Variants in HNRNPL observed in about 807,000 individuals in gnomAD.
HNRNPL encodes epididymis secretory sperm binding protein.
HNRNPL carries 12 observed loss-of-function variants against 64.0 expected under a neutral mutation model. That is an observed-to-expected ratio of 0.19 (90% CI 0.12 to 0.30). The LOEUF (loss-of-function observed/expected upper bound fraction) is 0.30. Ranked by LOEUF, HNRNPL falls within the 10% of genes least tolerant of loss-of-function variation. The pLI, the probability that HNRNPL is intolerant of heterozygous loss-of-function variation, is 1.00. For synonymous variants in HNRNPL, 385 were observed against 313.0 expected (o/e 1.23, Z -2.43); for missense variants, 484 against 797.4 (o/e 0.61, Z 4.73).
chr19:38,836,696 A>G lies in HNRNPL; in HGVS notation c.*26T>C. 6.5e-7 allele frequency: 1 copy of G among 1,537,360 alleles called. No homozygotes were observed. ...AGGAAAGAGAAATGTCTTCCTGCTC[A>G]GATGGGACTCTTCCTAGGCACCTAA... On this transcript the variant is annotated 3_prime_UTR_variant, in exon 13 of 13. Transcript: ENST00000221419.
upstream of HNRNPL, among the ~76,000 whole-genome samples, chr19:38,852,121 C>T (rs1033501904): frequency 6.8e-6 from 1 of 147,304 alleles, no homozygotes; most frequent in South Asian, 2.2e-4. Flanking sequence ...GCGGAACGGT[C>T]TCCCCGGCGC....
At chr19:38,836,843 C>T (rs1184657983) in intron 12 of HNRNPL, 63 bp from the exon 13 acceptor site, 1 of 1,293,822 alleles carries the variant, frequency 7.7e-7, no homozygotes, top group African/African-American at 1.5e-5. Flanking sequence ...CCCAGGTCCC[C>T]TCAAGTTTGT....
At chr19:38,844,596 A>G (rs1367176985) in intron 4 of HNRNPL, 2 of 166,060 alleles carry the variant, frequency 1.2e-5, no homozygotes, top group African/African-American at 4.8e-5. Context: ...TCTCCATCCA[A>G]CACAAGCTCC....
At chr19:38,849,396 A>T in intron 1 of HNRNPL, 2 of 321,870 alleles carry the variant, frequency 6.2e-6, no homozygotes, top group East Asian at 4.8e-5. Context: ...GGGGAAAAAA[A>T]CCGGCCGGGC....
intron 12 of HNRNPL, 98 bp downstream of exon 12, chr19:38,837,286 G>A (rs776223442): frequency 3.1e-5 from 28 of 906,712 alleles, no homozygotes; most frequent in Non-Finnish European, 4.2e-5. Context: ...CGAAGATCCC[G>A]GGGTCCTATC....
chr19:38,844,397 T>A (rs1033720624), intron 4 of HNRNPL, among the ~76,000 whole-genome samples: 1 of 152,156 alleles, frequency 6.6e-6, no homozygotes, highest in African/African-American at 2.4e-5. Context: ...CTCAGCCCTC[T>A]CACACCCTTC....
At position 38,845,856 on chromosome 19, in the gene HNRNPL, G is replaced by A; in HGVS notation, c.621C>T (p.Thr207=). ...FTILNPIYSI[T]TDVLYTICNP... is the part of the protein sequence containing the mutation. Reference sequence around the variant, plus strand: ...AGAAATGCCTGCTGGCACGTACCGTGGTGATCGAATAAATGGGGTTCAGGA... The same window carrying A: ...AGAAATGCCTGCTGGCACGTACCGTAGTGATCGAATAAATGGGGTTCAGGA... Residue 207 remains threonine (T), a synonymous_variant, in exon 3 of 13, where the codon ACC becomes ACT. Coordinates refer to ENST00000221419, the MANE Select transcript of HNRNPL (RefSeq NM_001533.3). 1 of 1,612,986 alleles carries A rather than the reference G, an allele frequency of 6.2e-7. No homozygotes were observed. Among genetic ancestry groups the A allele is most frequent in the Non-Finnish European group, 8.5e-7 (1 of 1,178,908 alleles).
rs561801215 is a variant in HNRNPL, at chr19:38,844,014, G to A, written c.801C>T (p.Tyr267=). The change falls in exon 5 of 13, where the codon TAC becomes TAT. Residue 267 remains tyrosine, a synonymous_variant. Coordinates refer to ENST00000221419, the MANE Select transcript of HNRNPL (RefSeq NM_001533.3). ...AGTCACCTCCCAGATGTACCTTTGCGTATTCGATCTTCAGAGTGCAACAGC... is the reference window on the plus strand; with the variant it reads ...AGTCACCTCCCAGATGTACCTTTGCATATTCGATCTTCAGAGTGCAACAGC... The part of the protein sequence containing the change: ...YSGCCTLKIE[Y]AKPTRLNVFK... The A allele has an allele frequency of 2.5e-5, 40 of 1,612,968 alleles. No individual in the cohort carries two copies. Among genetic ancestry groups the A allele is most frequent in the Middle Eastern group, 3.3e-4 (2 of 6,062 alleles).
At chr19:38,851,904 G>A (rs1349932319), upstream of HNRNPL, among the ~76,000 whole-genome samples, 1 of 152,162 alleles carries the variant, frequency 6.6e-6, no homozygotes. Context: ...CCACGCCAAC[G>A]GAACAGAGAC....
Position 38,840,794 on chromosome 19 carries a change from T to C in HNRNPL, c.881-235A>G, listed in dbSNP as rs2145415833. ...ATACCAAAGGGCTGGCCTTGTTCTG[T>C]GAAGGACAAGGCCAGATTCTGTGCT... On this transcript the variant is annotated intron_variant, in intron 6 of 12. Coordinates refer to ENST00000221419, the MANE Select transcript of HNRNPL (RefSeq NM_001533.3). 7.4e-6 allele frequency: 4 copies of C among 540,370 alleles called. No homozygotes were observed. In the South Asian group the frequency reaches 9.9e-5, roughly 13 times the overall value. The allele number at this position is 540,370 out of a possible 1,614,324, so 33.5% of individuals were successfully genotyped here.
In HNRNPL at chr19:38,837,518, T is replaced by G. The variant is rs761196491; in HGVS notation, c.1616-39A>C. ...AAGGGGAAAAGTAAAGGTTTTAGAC[T>G]CACCCAATAGGAACTAGGCAGCTGC... On this transcript the variant is annotated intron_variant, in intron 11 of 12. Transcript: ENST00000221419. The G allele has an allele frequency of 3.7e-6, 6 of 1,612,230 alleles. No individual in the cohort carries two copies. In the South Asian group the frequency reaches 5.5e-5, roughly 15 times the overall value.
chr19:38,849,674 C>G, intron 1 of HNRNPL, 26 bp downstream of exon 1: 1 of 1,308,914 alleles, frequency 7.6e-7, no homozygotes, highest in Non-Finnish European at 9.7e-7. Context: ...TCCCGGCCTT[C>G]CCAGCGCCTA....
chr19:38,838,091 T>C (rs558756407), intron 10 of HNRNPL, among the ~76,000 whole-genome samples: 2 of 152,334 alleles, frequency 1.3e-5, no homozygotes, highest in Admixed American at 6.5e-5. Context: ...CTTGTGAAAT[T>C]GGGCCCTCAT....
intron 2 of HNRNPL, among the ~76,000 whole-genome samples, chr19:38,846,609 A>G (rs1972303696): frequency 6.6e-6 from 1 of 152,148 alleles, no homozygotes; most frequent in Non-Finnish European, 1.5e-5. Context: ...TCACCTCTAC[A>G]GAACAATATA....
rs1034792255 is a variant in HNRNPL, at chr19:38,843,698, G to A, written c.880+144C>T. On this transcript the variant is annotated intron_variant, in intron 6 of 12. Coordinates refer to ENST00000221419, the MANE Select transcript of HNRNPL (RefSeq NM_001533.3). ...CCTCTCACTCCCCCATCCCACTAGG[G>A]TGTCCAAGTGCTGACCCCAAGGCCC... The A allele has an allele frequency of 3.2e-5, 21 of 664,898 alleles. No homozygotes were observed. The East Asian group carries it at 4.8e-4, about 15-fold the overall frequency. The allele number at this position is 664,898 out of a possible 1,614,324, so 41.2% of individuals were successfully genotyped here.
At chr19:38,844,307 T>C (rs1972213765) in intron 4 of HNRNPL, among the ~76,000 whole-genome samples, 1 of 152,146 alleles carries the variant, frequency 6.6e-6, no homozygotes. Flanking sequence ...GGGTGAGCAG[T>C]CACTGGCCAG....
At chr19:38,843,754 A>C in intron 6 of HNRNPL, 88 bp downstream of exon 6, 1 of 1,115,098 alleles carries the variant, frequency 9.0e-7, no homozygotes, top group Non-Finnish European at 1.4e-6. Flanking sequence ...CAATGGCATT[A>C]CATAACCCTG....
chr19:38,841,357 GACTGAGTTGTTAACTTTTA>G (rs1972112575), intron 6 of HNRNPL: 1 of 350,074 alleles, frequency 2.9e-6, no homozygotes, highest in Non-Finnish European at 5.6e-6. Context: ...CAGATAAGAA[GACTGAGTTGTTAACTTTTA>G]ACTGAGCAGT....
At chr19:38,846,151 A>G in intron 2 of HNRNPL, 61 bp from the exon 3 acceptor site, 1 of 1,315,624 alleles carries the variant, frequency 7.6e-7, no homozygotes, top group Non-Finnish European at 1.1e-6. Context: ...GGAGGGTATC[A>G]TTTGATTTTT....
Sources: gnomAD v4.1 joint callset for allele counts (sites outside exome capture counted in the v4.1 genomes callset) on GRCh38, gnomAD v4.1.1 for gene constraint, MANE v1.5 for transcripts, NCBI Gene and HGNC (gene_info 2026-07-23, HGNC 2026-07-21) for gene names.